Variants in LGSN observed in about 807,000 individuals in gnomAD.
LGSN encodes the protein lengsin.
A neutral mutation model predicts 19.5 loss-of-function variants in LGSN; 21 were observed. That is an observed-to-expected ratio of 1.07 (90% CI 0.76 to 1.55). LGSN has a LOEUF of 1.55. Ranked by LOEUF, LGSN falls within the 40% of genes most tolerant of loss-of-function variation. The pLI is 0.00. For missense variants in LGSN, 673 were observed against 608.5 expected, an observed-to-expected ratio of 1.11 and a Z score of -1.12; for synonymous variants, 257 against 215.6, an observed-to-expected ratio of 1.19 and a Z score of -1.68.
the LGSN span, among the ~76,000 whole-genome samples, chr6:63,417,216 C>A: frequency 6.6e-6 from 1 of 152,076 alleles, no homozygotes; most frequent in African/African-American, 2.4e-5. Flanking sequence ...TACTTCTTCC[C>A]CCCAGCTGCA....
At chr6:63,460,100 C>CTTTTTTTTTTTTTTTT in the LGSN span, among the ~76,000 whole-genome samples, 31 of 56,138 alleles carry the variant, frequency 5.5e-4, no homozygotes, top group Non-Finnish European at 6.1e-4. Flanking sequence ...ATTTCATTCC[C>CTTTTTTTTTTTTTTTT]TTTTTTTTTT....
At chr6:63,443,631 A>G in the LGSN span, 3 of 980,832 alleles carry the variant, frequency 3.1e-6, no homozygotes, top group Non-Finnish European at 3.8e-6. Context: ...TTGGATTCCT[A>G]TGGAATTGGG....
At chr6:63,551,841 C>T in the LGSN span, among the ~76,000 whole-genome samples, 1 of 152,130 alleles carries the variant, frequency 6.6e-6, no homozygotes, top group Non-Finnish European at 1.5e-5. Context: ...TGGTTTCCAG[C>T]TTCATCCACG....
the LGSN span, among the ~76,000 whole-genome samples, chr6:63,482,148 CT>C: frequency 5.9e-5 from 9 of 151,476 alleles, no homozygotes; most frequent in East Asian, 9.7e-4. Context: ...CATATTATTT[CT>C]TTTTTTTTAT....
At chr6:63,511,834 T>A in the LGSN span, among the ~76,000 whole-genome samples, 301 of 152,304 alleles carry the variant, frequency 2.0e-3, 2 homozygotes, top group African/African-American at 7.1e-3. Context: ...CACATTGGGA[T>A]TTGTTACTAC....
the LGSN span, chr6:63,549,499 CT>C: frequency 1.3e-6 from 1 of 764,670 alleles, no homozygotes; most frequent in Non-Finnish European, 2.3e-6. Flanking sequence ...GCCTTCTTTC[CT>C]TTCGGCAGGA....
the LGSN span, among the ~76,000 whole-genome samples, chr6:63,414,211 G>A: frequency 2.0e-5 from 3 of 151,866 alleles, no homozygotes; most frequent in East Asian, 5.8e-4. Context: ...AAACTATGTG[G>A]CACAGGGCCT....
At chr6:63,338,551 C>T in the LGSN span, among the ~76,000 whole-genome samples, 2 of 152,036 alleles carry the variant, frequency 1.3e-5, no homozygotes, top group Non-Finnish European at 2.9e-5. Context: ...CGTAATGGCT[C>T]CTTTTTCATT....
In LGSN at chr6:63,277,293, G is replaced by C. The variant is rs1767129409; in HGVS notation, c.*2728C>G. On this transcript the variant is annotated 3_prime_UTR_variant, in exon 4 of 4. Coordinates refer to ENST00000370657, the MANE Select transcript of LGSN (RefSeq NM_016571.3). The stretch of plus-strand genomic sequence containing the variant: ...TCATTAAGGCCCGTGGACTATAAAG[G>C]GATATGCCACTTTATAGGGATGGGT... The C allele has an allele frequency of 6.6e-6, 1 of 152,114 alleles. No individual in the cohort carries two copies. The allele number at this position is 152,114 out of a possible 1,614,324, so 9.4% of individuals were successfully genotyped here. A position where few individuals can be genotyped will look rare whatever the true frequency, so the allele number is the denominator to read the frequency against.
the LGSN span, among the ~76,000 whole-genome samples, chr6:63,337,099 A>T: frequency 6.6e-6 from 1 of 150,742 alleles, no homozygotes; most frequent in Non-Finnish European, 1.5e-5. Flanking sequence ...AATTTTTTGT[A>T]TCTTTAGTAG....
At chr6:63,410,730 C>G in the LGSN span, among the ~76,000 whole-genome samples, 3 of 152,114 alleles carry the variant, frequency 2.0e-5, no homozygotes, top group African/African-American at 7.2e-5. Context: ...AGGACAAGAA[C>G]CTATGACATG....
At chr6:63,293,949 T>G (rs988090449) in intron 2 of LGSN, 3 of 357,882 alleles carry the variant, frequency 8.4e-6, no homozygotes, top group Non-Finnish European at 1.7e-5. Context: ...GAAAATAGTA[T>G]ATTTCTAGCA....
chr6:63,311,653 G>C (rs1279996447), intron 1 of LGSN, among the ~76,000 whole-genome samples: 1 of 152,120 alleles, frequency 6.6e-6, no homozygotes, highest in Non-Finnish European at 1.5e-5. Flanking sequence ...GATGTCCTAT[G>C]CTTAATGCCT....
At chr6:63,472,760 G>A in the LGSN span, among the ~76,000 whole-genome samples, 70,430 of 151,690 alleles carry the variant, frequency 0.46, 18,176 homozygotes, top group Non-Finnish European at 0.56. Flanking sequence ...CTAACGCAGT[G>A]AAACCCTGTC....
chr6:63,386,389 A>G, the LGSN span, among the ~76,000 whole-genome samples: 1 of 151,856 alleles, frequency 6.6e-6, no homozygotes, highest in South Asian at 2.1e-4. Flanking sequence ...GGGGCTTTTT[A>G]ATTTTTATTT....
At chr6:63,342,514 A>G in the LGSN span, among the ~76,000 whole-genome samples, 1 of 152,244 alleles carries the variant, frequency 6.6e-6, no homozygotes, top group Non-Finnish European at 1.5e-5. Context: ...CACATTAAAT[A>G]GTTATACTTT....
At chr6:63,572,651 C>T in the LGSN span, 1 of 414,054 alleles carries the variant, frequency 2.4e-6, no homozygotes, top group Non-Finnish European at 4.2e-6. Context: ...CCGCCACCGC[C>T]TGTGTCGCCG....
At chr6:63,489,894 G>A in the LGSN span, among the ~76,000 whole-genome samples, 1 of 151,878 alleles carries the variant, frequency 6.6e-6, no homozygotes, top group Non-Finnish European at 1.5e-5. Flanking sequence ...GTTTTTAGTA[G>A]ACACAGGGTT....
the LGSN span, among the ~76,000 whole-genome samples, chr6:63,412,751 GAA>G: frequency 1.5e-5 from 1 of 67,126 alleles, no homozygotes; most frequent in East Asian, 3.3e-4. Context: ...AAGAAAGAAA[GAA>G]AGAAAGAAAG....
Sources: allele counts gnomAD v4.1 joint callset (sites outside exome capture counted in the v4.1 genomes callset), GRCh38; gene constraint gnomAD v4.1.1; transcripts MANE v1.5; gene names NCBI Gene and HGNC (gene_info 2026-07-23, HGNC 2026-07-21).